PTPRR: variants seen among roughly 807,000 people sequenced by gnomAD.
The protein encoded by PTPRR is receptor-type tyrosine-protein phosphatase R.
Under a neutral mutation model 77.2 loss-of-function variants are expected in PTPRR, and 38 were observed. The observed-to-expected ratio is 0.49, with a 90% confidence interval of 0.38 to 0.65. The LOEUF is 0.65. Ranked by LOEUF, PTPRR falls within the 30% of genes least tolerant of loss-of-function variation. The pLI is 0.00. For synonymous variants in PTPRR, 299 were observed against 283.1 expected (o/e 1.06, Z -0.57); for missense variants, 744 against 799.2 (o/e 0.93, Z 0.83).
chr12:70,822,029 G>T (rs1030854459), intron 2 of PTPRR, among the ~76,000 whole-genome samples: 9 of 152,170 alleles, frequency 5.9e-5, no homozygotes, highest in Admixed American at 3.3e-4. Flanking sequence ...TGGTTAATGT[G>T]TAGAATTCCA....
intron 2 of PTPRR, among the ~76,000 whole-genome samples, chr12:70,866,767 G>A (rs923421455): frequency 6.6e-6 from 1 of 152,086 alleles, no homozygotes; most frequent in Admixed American, 6.6e-5. Flanking sequence ...GATGAACATT[G>A]ATGCAAAAAT....
chr12:70,777,202 T>C (rs550543986), intron 2 of PTPRR, among the ~76,000 whole-genome samples: 149 of 152,224 alleles, frequency 9.8e-4, no homozygotes, highest in Non-Finnish European at 1.7e-3. Context: ...TTGATTCTTA[T>C]AATTTCTTAT....
intron 2 of PTPRR, among the ~76,000 whole-genome samples, chr12:70,839,822 T>C (rs1278672402): frequency 6.6e-6 from 1 of 152,168 alleles, no homozygotes; most frequent in Non-Finnish European, 1.5e-5. Flanking sequence ...TTGGTACTCT[T>C]ATTTGAGTTT....
At chr12:70,717,703 A>G (rs1889084579) in intron 6 of PTPRR, among the ~76,000 whole-genome samples, 1 of 152,206 alleles carries the variant, frequency 6.6e-6, no homozygotes, top group African/African-American at 2.4e-5. Context: ...TGGCTAACCT[A>G]ACAAGATGGA....
chr12:70,710,483 A>G (rs1480418528), intron 6 of PTPRR, among the ~76,000 whole-genome samples: 2 of 152,200 alleles, frequency 1.3e-5, no homozygotes, highest in Non-Finnish European at 2.9e-5. Context: ...TTCAAGCCAT[A>G]GGCAAGGACA....
chr12:70,911,732 T>C (rs1893702524), intron 1 of PTPRR, among the ~76,000 whole-genome samples: 1 of 82,312 alleles, frequency 1.2e-5, no homozygotes, highest in African/African-American at 5.9e-5. Context: ...ATGAAAACTA[T>C]CAAGAAAAGG....
intron 6 of PTPRR, among the ~76,000 whole-genome samples, chr12:70,710,530 A>G (rs940945651): frequency 6.6e-6 from 1 of 152,194 alleles, no homozygotes; most frequent in Admixed American, 6.6e-5. Context: ...AAATGATTTC[A>G]ACAAAAGGAA....
At chr12:70,754,784 A>C (rs1198499573) in intron 4 of PTPRR, 96 of 1,475,924 alleles carry the variant, frequency 6.5e-5, no homozygotes, top group Non-Finnish European at 8.1e-5. Context: ...CAATGCCAGC[A>C]TTATTTCCTT....
chr12:70,892,974 C>A lies in PTPRR; in HGVS notation c.62G>T (p.Cys21Phe), dbSNP rs937780557. The A allele has an allele frequency of 4.3e-6, 7 of 1,611,934 alleles. No individual in the cohort carries two copies. Among genetic ancestry groups the A allele is most frequent in the Non-Finnish European group, 5.9e-6 (7 of 1,178,818 alleles). ...CLLLNLHAAG[C>F]FSGNNDHFLA... ...AAAATGATCATTGTTTCCTGAAAAG[C>A]ACCCTGAAAGAGGGAAGAAGCAGAA... Residue 21 changes from cysteine to phenylalanine, a missense_variant, in exon 2 of 14, where the codon TGC (cysteine) becomes TTC (phenylalanine). Around this residue, in one of 3 missense-constraint regions of PTPRR, gnomAD observed 570 missense variants for 573.2 expected, o/e 0.99. Transcript: ENST00000283228.
At chr12:70,849,399 T>C (rs1013509392) in intron 2 of PTPRR, among the ~76,000 whole-genome samples, 2 of 152,216 alleles carry the variant, frequency 1.3e-5, no homozygotes, top group Non-Finnish European at 2.9e-5. Flanking sequence ...AAAGAATGTT[T>C]AGACATAGCT....
At chr12:70,708,790 T>C (rs1049891947) in intron 6 of PTPRR, among the ~76,000 whole-genome samples, 4 of 148,110 alleles carry the variant, frequency 2.7e-5, no homozygotes, top group African/African-American at 1.0e-4. Context: ...GAATTTCAGC[T>C]GATTTAAATA....
chr12:70,827,111 G>A (rs903317317), intron 2 of PTPRR, among the ~76,000 whole-genome samples: 2 of 152,148 alleles, frequency 1.3e-5, no homozygotes, highest in Admixed American at 6.5e-5. Flanking sequence ...ATACTTTCTT[G>A]GGCATGGCCC....
At chr12:70,894,952 C>T (rs747569988) in intron 1 of PTPRR, among the ~76,000 whole-genome samples, 3 of 151,604 alleles carry the variant, frequency 2.0e-5, no homozygotes, top group South Asian at 2.1e-4. Context: ...TTTCAGGATC[C>T]ACATAAAATA....
intron 2 of PTPRR, among the ~76,000 whole-genome samples, chr12:70,823,303 C>G (rs1444256269): frequency 6.6e-6 from 1 of 152,122 alleles, no homozygotes; most frequent in Non-Finnish European, 1.5e-5. Flanking sequence ...ACACATTGAC[C>G]CACAGTACGG....
intron 2 of PTPRR, among the ~76,000 whole-genome samples, chr12:70,772,499 T>G (rs748057062): frequency 5.9e-5 from 9 of 152,184 alleles, no homozygotes; most frequent in Non-Finnish European, 1.3e-4. Context: ...AAATAAGTGA[T>G]TGGAAACTGG....
chr12:70,673,031 CAAAAA>C (rs1229938892), intron 10 of PTPRR: 1,550 of 455,448 alleles, frequency 3.4e-3, no homozygotes, highest in South Asian at 5.1e-3. Flanking sequence ...CGGGCCAAAG[CAAAAA>C]AAAAAAAAAA....
intron 6 of PTPRR, among the ~76,000 whole-genome samples, chr12:70,712,427 C>T (rs1888858803): frequency 1.3e-5 from 2 of 151,428 alleles, no homozygotes; most frequent in Admixed American, 6.6e-5. Context: ...TGATGCCATT[C>T]ATAATAATTC....
chr12:70,783,500 T>C (rs1249972516), intron 2 of PTPRR, among the ~76,000 whole-genome samples: 2 of 152,044 alleles, frequency 1.3e-5, no homozygotes, highest in Non-Finnish European at 2.9e-5. Context: ...CTGCAGCTGG[T>C]TGTTGCCTCT....
intron 2 of PTPRR, among the ~76,000 whole-genome samples, chr12:70,823,783 A>C (rs888667025): frequency 2.0e-5 from 3 of 152,172 alleles, no homozygotes; most frequent in African/African-American, 7.2e-5. Flanking sequence ...GCAGGAAGGC[A>C]GGGCCAGCAG....
Sources: gnomAD v4.1 joint callset for allele counts (sites outside exome capture counted in the v4.1 genomes callset) on GRCh38, gnomAD v4.1.1 for gene constraint, gnomAD v4.1.1 regional missense constraint, MANE v1.5 for transcripts, NCBI Gene and HGNC (gene_info 2026-07-23, HGNC 2026-07-21) for gene names.